Variants in RBFOX1 observed in about 807,000 individuals in gnomAD.
RBFOX1 encodes RNA binding protein fox-1 homolog 1.
In RBFOX1, 8 loss-of-function variants were observed where a neutral mutation model predicts 57.7. The observed-to-expected ratio is 0.14, with a 90% CI of 0.08 to 0.25. The LOEUF (loss-of-function observed/expected upper bound fraction) is 0.25, where lower values mean the gene tolerates loss of function less well. Ranked by LOEUF, RBFOX1 falls within the 10% of genes least tolerant of loss-of-function variation. The pLI is 1.00. For synonymous variants in RBFOX1, 326 were observed against 222.4 expected (o/e 1.47, Z -4.15); for missense variants, 611 against 548.5 (o/e 1.11, Z -1.14).
chr16:7,398,982 A>G (rs950973061), intron 4 of RBFOX1, among the ~76,000 whole-genome samples: 1 of 152,234 alleles, frequency 6.6e-6, no homozygotes, highest in Non-Finnish European at 1.5e-5. Context: ...TTTGATGTCA[A>G]GGTGTCAACG....
intron 1 of RBFOX1, among the ~76,000 whole-genome samples, chr16:6,300,554 C>T (rs747651265): frequency 6.6e-6 from 1 of 152,184 alleles, no homozygotes; most frequent in African/African-American, 2.4e-5. Flanking sequence ...GCGGAGTACT[C>T]ATTAAATTCG....
Position 7,396,542 on chromosome 16 carries a change from G to A in RBFOX1, c.28-121605G>A, listed in dbSNP as rs148922191. ...CACTCAGAGTAGCTTAATACTCTGCGGACCTCACGTGCTGAGTTCTCATTC... is the reference window on the plus strand; with the variant it reads ...CACTCAGAGTAGCTTAATACTCTGCAGACCTCACGTGCTGAGTTCTCATTC... On this transcript the variant is annotated intron_variant, in intron 4 of 15. Transcript: ENST00000550418. 2.7e-3 allele frequency among the ~76,000 whole-genome samples: 413 copies of A among 152,214 alleles called. 1 individual carries two copies. Among genetic ancestry groups the A allele is most frequent in the African/African-American group, 9.4e-3 (389 of 41,536 alleles).
At chr16:6,855,878 C>T (rs970725956) in intron 3 of RBFOX1, among the ~76,000 whole-genome samples, 1 of 151,154 alleles carries the variant, frequency 6.6e-6, no homozygotes, top group Non-Finnish European at 1.5e-5. Flanking sequence ...CTGCTTTCTT[C>T]CCTCCTTGTC....
chr16:6,912,683 A>T (rs187277080), intron 3 of RBFOX1, among the ~76,000 whole-genome samples: 2 of 150,980 alleles, frequency 1.3e-5, no homozygotes, highest in African/African-American at 4.9e-5. Context: ...TGGCATGATC[A>T]TAGCTCACTG....
chr16:7,419,763 C>G (rs906879850), intron 4 of RBFOX1, among the ~76,000 whole-genome samples: 3 of 152,270 alleles, frequency 2.0e-5, no homozygotes, highest in African/African-American at 7.2e-5. Context: ...CGTGGCACCT[C>G]CTATCTGGTT....
intron 4 of RBFOX1, among the ~76,000 whole-genome samples, chr16:7,403,258 C>G (rs1199920825): frequency 6.6e-6 from 1 of 152,150 alleles, no homozygotes; most frequent in East Asian, 1.9e-4. Flanking sequence ...AATCTAGTCT[C>G]TCAGCAAACT....
chr16:7,664,668 C>T lies in RBFOX1; in HGVS notation c.891-261C>T. ...AAAGTCGTGCCTTTCTGTACCCACTCCTGAGAGAGTGGGAAGTTTGGGACC... is the reference window on the plus strand; with the variant it reads ...AAAGTCGTGCCTTTCTGTACCCACTTCTGAGAGAGTGGGAAGTTTGGGACC... On this transcript the variant is annotated intron_variant, in intron 12 of 15. Transcript: ENST00000550418. 3 of 550,068 alleles carry T rather than the reference C, an allele frequency of 5.5e-6. No homozygotes were observed. In the South Asian group the frequency reaches 7.3e-5, roughly 13 times the overall value. 34.1% of individuals were successfully genotyped at this position (550,068 alleles called of 1,614,324 possible). A position where few individuals can be genotyped will look rare whatever the true frequency, so the allele number is the denominator to read the frequency against.
At chr16:6,519,481 A>C (rs993616965) in intron 2 of RBFOX1, among the ~76,000 whole-genome samples, 44 of 152,066 alleles carry the variant, frequency 2.9e-4, no homozygotes, top group African/African-American at 1.0e-3. Flanking sequence ...CAGGAAGATC[A>C]CCTGAGGTCA....
intron 4 of RBFOX1, among the ~76,000 whole-genome samples, chr16:7,089,713 T>C (rs1333982496): frequency 1.3e-5 from 2 of 152,298 alleles, no homozygotes; most frequent in Non-Finnish European, 2.9e-5. Context: ...TCCGAAAAAC[T>C]TGCTGATTTG....
chr16:7,233,707 C>G (rs1379006581), intron 4 of RBFOX1, among the ~76,000 whole-genome samples: 1 of 152,146 alleles, frequency 6.6e-6, no homozygotes, highest in Admixed American at 6.5e-5. Context: ...GAACTTCCAA[C>G]TCGTCTTTTA....
At chr16:5,594,775 T>C (rs773029443) in intron 2 of RBFOX1, among the ~76,000 whole-genome samples, 2 of 152,082 alleles carry the variant, frequency 1.3e-5, no homozygotes, top group African/African-American at 4.8e-5. Context: ...CCCTTTAGCT[T>C]AGTGATTCAG....
intron 14 of RBFOX1, among the ~76,000 whole-genome samples, chr16:7,696,495 T>A (rs910103603): frequency 1.4e-5 from 2 of 145,962 alleles, no homozygotes; most frequent in Non-Finnish European, 2.9e-5. Flanking sequence ...AAGGGTCTGG[T>A]ATGAGAATGG....
At chr16:7,109,759 C>G (rs1872339531) in intron 4 of RBFOX1, among the ~76,000 whole-genome samples, 1 of 152,074 alleles carries the variant, frequency 6.6e-6, no homozygotes, top group South Asian at 2.1e-4. Flanking sequence ...ATCGAGATGA[C>G]TCCTTTGAGC....
chr16:6,590,904 G>C, intron 2 of RBFOX1, among the ~76,000 whole-genome samples: 1 of 152,102 alleles, frequency 6.6e-6, no homozygotes, highest in East Asian at 1.9e-4. Flanking sequence ...CCATGCATTT[G>C]CACATTTAGG....
At chr16:5,282,979 A>G (rs1180983832) in intron 1 of RBFOX1, among the ~76,000 whole-genome samples, 1 of 152,144 alleles carries the variant, frequency 6.6e-6, no homozygotes, top group Non-Finnish European at 1.5e-5. Flanking sequence ...GGAAGAAAAG[A>G]TGGTTTTGTG....
chr16:6,588,075 A>G (rs975216074), intron 2 of RBFOX1, among the ~76,000 whole-genome samples: 2 of 151,316 alleles, frequency 1.3e-5, no homozygotes, highest in African/African-American at 4.9e-5. Flanking sequence ...TACTAAAAAT[A>G]CAAAAATTAG....
intron 2 of RBFOX1, among the ~76,000 whole-genome samples, chr16:6,566,382 T>C (rs950813556): frequency 2.6e-5 from 4 of 152,166 alleles, no homozygotes; most frequent in East Asian, 1.9e-4. Context: ...TTCTAAAATA[T>C]GTAACTTTTA....
intron 4 of RBFOX1, among the ~76,000 whole-genome samples, chr16:5,906,457 C>A (rs994745721): frequency 3.3e-5 from 5 of 152,188 alleles, no homozygotes; most frequent in African/African-American, 1.2e-4. Context: ...GCTTCACAGT[C>A]CTCAGAAGGA....
intron 1 of RBFOX1, among the ~76,000 whole-genome samples, chr16:6,229,125 G>C (rs987274016): frequency 6.6e-6 from 1 of 152,026 alleles, no homozygotes; most frequent in African/African-American, 2.4e-5. Flanking sequence ...CCTCTGAGAC[G>C]TAGTTAAGAT....
Sources: allele counts gnomAD v4.1 joint callset (sites outside exome capture counted in the v4.1 genomes callset), GRCh38; gene constraint gnomAD v4.1.1; transcripts MANE v1.5; gene names NCBI Gene and HGNC (gene_info 2026-07-23, HGNC 2026-07-21).